ATP8A2: variants seen among roughly 807,000 people sequenced by gnomAD.
ATP8A2 encodes ATPase phospholipid transporting 8A2.
In ATP8A2, 100 loss-of-function variants were observed where a neutral mutation model predicts 165.6. The ratio of observed to expected loss-of-function variants is 0.60; its 90% CI spans 0.51 to 0.71. The LOEUF is 0.71. Ranked by LOEUF, ATP8A2 falls within the 30% of genes least tolerant of loss-of-function variation. ATP8A2 has a pLI of 0.00. For missense variants in ATP8A2, 1,227 were observed against 1,479.5 expected (o/e 0.83, Z 2.80); for synonymous variants, 543 against 548.8 (o/e 0.99, Z 0.15).
intron 27 of ATP8A2, among the ~76,000 whole-genome samples, chr13:25,811,450 G>T (rs1377366329): frequency 6.6e-6 from 1 of 152,148 alleles, no homozygotes; most frequent in Non-Finnish European, 1.5e-5. Flanking sequence ...TGTGTTATGT[G>T]TATGTATATA....
chr13:25,383,094 G>A (rs995299589), intron 1 of ATP8A2, among the ~76,000 whole-genome samples: 35 of 150,944 alleles, frequency 2.3e-4, no homozygotes, highest in Admixed American at 2.0e-4. Context: ...TTGCCAGGCT[G>A]GAGCTCAGTG....
intron 24 of ATP8A2, among the ~76,000 whole-genome samples, chr13:25,668,212 T>G (rs754682547): frequency 2.0e-5 from 3 of 152,226 alleles, no homozygotes; most frequent in Non-Finnish European, 4.4e-5. Flanking sequence ...TTAGCATGTC[T>G]TATAGGGCAG....
At chr13:25,809,109 AT>A (rs1401901623) in intron 27 of ATP8A2, among the ~76,000 whole-genome samples, 1 of 152,216 alleles carries the variant, frequency 6.6e-6, no homozygotes, top group Non-Finnish European at 1.5e-5. Context: ...GCTTAAAATT[AT>A]TAAACAGTGA....
intron 24 of ATP8A2, among the ~76,000 whole-genome samples, chr13:25,597,844 C>G (rs554349030): frequency 6.6e-6 from 1 of 151,950 alleles, no homozygotes; most frequent in African/African-American, 2.4e-5. Context: ...TTTTGAAGAG[C>G]CAGAAGTTTT....
At chr13:25,969,481 A>G (rs2139211678) in intron 35 of ATP8A2, among the ~76,000 whole-genome samples, 1 of 152,334 alleles carries the variant, frequency 6.6e-6, no homozygotes, top group Admixed American at 6.5e-5. Context: ...GAAATCAGTA[A>G]CCAACTGCTA....
At chr13:25,568,689 T>C (rs1158903369) in intron 16 of ATP8A2, among the ~76,000 whole-genome samples, 1 of 152,136 alleles carries the variant, frequency 6.6e-6, no homozygotes, top group Non-Finnish European at 1.5e-5. Flanking sequence ...ATAGTGGTGA[T>C]GGCTGTGTAG....
chr13:25,535,491 G>T (rs934135202), intron 6 of ATP8A2, among the ~76,000 whole-genome samples: 4 of 152,086 alleles, frequency 2.6e-5, no homozygotes, highest in African/African-American at 9.7e-5. Context: ...AGGGAGTATT[G>T]CACACACAAG....
intron 2 of ATP8A2, among the ~76,000 whole-genome samples, chr13:25,508,194 A>G (rs1388920805): frequency 1.3e-5 from 2 of 152,222 alleles, no homozygotes; most frequent in Non-Finnish European, 2.9e-5. Context: ...TGTCTACTAT[A>G]TATTAAAATT....
intron 28 of ATP8A2, among the ~76,000 whole-genome samples, chr13:25,834,679 T>G (rs1951559579): frequency 3.9e-5 from 6 of 152,212 alleles, no homozygotes; most frequent in Admixed American, 3.9e-4. Flanking sequence ...AATGTCTACC[T>G]TTTTGGTTGG....
rs372153058 is a variant in ATP8A2, at chr13:25,381,752, C to T, written c.76+9464C>T. ...TTTCAGTGGAGATCTTGGCCTTCTA[C>T]GCGTGGGTATAGAGTGTGGCTGAAG... On this transcript the variant is annotated intron_variant, in intron 1 of 36. Coordinates refer to ENST00000381655, the MANE Select transcript of ATP8A2 (RefSeq NM_016529.6). Among the ~76,000 whole-genome samples the T allele has an allele frequency of 1.1e-4, 16 of 152,186 alleles. No homozygotes were observed. The South Asian group carries it at 2.1e-3, about 20-fold the overall frequency.
intron 25 of ATP8A2, among the ~76,000 whole-genome samples, chr13:25,714,746 A>C (rs1403315274): frequency 1.3e-5 from 2 of 152,182 alleles, no homozygotes; most frequent in African/African-American, 2.4e-5. Context: ...ACTATGGAAA[A>C]TGTTTAGGGT....
At chr13:25,922,489 A>G (rs1041893368) in intron 33 of ATP8A2, among the ~76,000 whole-genome samples, 1 of 152,238 alleles carries the variant, frequency 6.6e-6, no homozygotes, top group African/African-American at 2.4e-5. Flanking sequence ...TGGAATTGCA[A>G]CAATTTGCAG....
In ATP8A2 at chr13:25,388,898, A is replaced by G. The variant is rs557319182; in HGVS notation, c.76+16610A>G. 5.0e-4 allele frequency among the ~76,000 whole-genome samples: 76 copies of G among 152,276 alleles called. 1 individual carries two copies. Among genetic ancestry groups the G allele is most frequent in the African/African-American group, 1.6e-3 (68 of 41,564 alleles). On this transcript the variant is annotated intron_variant, in intron 1 of 36. Coordinates refer to ENST00000381655, the MANE Select transcript of ATP8A2 (RefSeq NM_016529.6). ...AGGAAATGATGTCTCCACATGTTTG[A>G]TGGAAAACAGATTCACCAGGGAAGA...
rs114534740 is a variant in ATP8A2, at chr13:25,449,649, G to A, written c.77-19328G>A. 3.8e-3 allele frequency among the ~76,000 whole-genome samples: 572 copies of A among 152,248 alleles called. 4 individuals carry two copies. The highest frequency in any genetic ancestry group is 0.011 in the African/African-American group (475 of 41,540). On this transcript the variant is annotated intron_variant, in intron 1 of 36. Transcript: ENST00000381655. ...TGTTGTATCAATTACTGAGAGAGAA[G>A]TATTGACATCTCCAAGTATAATTGC...
intron 2 of ATP8A2, among the ~76,000 whole-genome samples, chr13:25,499,487 G>A (rs2036784147): frequency 2.0e-5 from 3 of 152,322 alleles, no homozygotes; most frequent in Non-Finnish European, 2.9e-5. Context: ...AGCTATGTGA[G>A]CCTGGGCCAG....
At chr13:25,743,807 C>G (rs2043968329) in intron 25 of ATP8A2, among the ~76,000 whole-genome samples, 1 of 152,158 alleles carries the variant, frequency 6.6e-6, no homozygotes, top group Admixed American at 6.5e-5. Flanking sequence ...AGCAAGAACA[C>G]TAATTAGTTA....
chr13:25,525,767 TTACA>T (rs2037823076), intron 2 of ATP8A2, among the ~76,000 whole-genome samples: 1 of 152,160 alleles, frequency 6.6e-6, no homozygotes, highest in Non-Finnish European at 1.5e-5. Flanking sequence ...AATGTGATTA[TTACA>T]TGCCTTGGTG....
rs942503257 is a variant in ATP8A2, at chr13:25,953,849, C to T, written c.3184-7726C>T. Among the ~76,000 whole-genome samples, 13 of 152,162 alleles carry T rather than the reference C, an allele frequency of 8.5e-5. No homozygotes were observed. Among genetic ancestry groups the T allele is most frequent in the African/African-American group, 2.2e-4 (9 of 41,436 alleles). ...GATACTATGCTTTTCCCATGGTCTTCGCAAACTGCAGACCAGGAGATTCCC... is the reference window on the plus strand; with the variant it reads ...GATACTATGCTTTTCCCATGGTCTTTGCAAACTGCAGACCAGGAGATTCCC... On this transcript the variant is annotated intron_variant, in intron 33 of 36. Coordinates refer to ENST00000381655, the MANE Select transcript of ATP8A2 (RefSeq NM_016529.6). This position sits in a 1 kb window ranked among gnomAD's most constrained non-coding sequence, Gnocchi z 6.7.
intron 24 of ATP8A2, among the ~76,000 whole-genome samples, chr13:25,608,354 G>C (rs925304356): frequency 6.6e-6 from 1 of 152,168 alleles, no homozygotes; most frequent in Non-Finnish European, 1.5e-5. Context: ...ACAGATATTT[G>C]AGTACTTTTA....
Sources: allele counts gnomAD v4.1 joint callset (sites outside exome capture counted in the v4.1 genomes callset), GRCh38; gene constraint gnomAD v4.1.1; non-coding constraint Gnocchi (gnomAD v3.1); transcripts MANE v1.5; gene names NCBI Gene and HGNC (gene_info 2026-07-23, HGNC 2026-07-21).